Variants in CELSR2 observed in about 807,000 individuals in gnomAD.
The protein encoded by CELSR2 is EGF-like protein 2.
A neutral mutation model predicts 251.6 loss-of-function variants in CELSR2; 81 were observed. The observed-to-expected ratio is 0.32, with a 90% CI of 0.27 to 0.39. The LOEUF (loss-of-function observed/expected upper bound fraction) is 0.39, where lower values mean the gene tolerates loss of function less well. CELSR2 is among the 10% of genes least tolerant of loss of function. The probability of loss-of-function intolerance (pLI) is 1.00; values close to 1 mark genes in which losing one functional copy is unlikely to be tolerated. For synonymous variants in CELSR2, 1,721 were observed against 1,670.5 expected, an observed-to-expected ratio of 1.03 and a Z score of -0.74; for missense variants, 3,365 against 3,947.7, an observed-to-expected ratio of 0.85 and a Z score of 3.96.
At position 109,267,870 on chromosome 1, in the gene CELSR2, A is replaced by C. The variant is rs139747117; in HGVS notation, c.6128A>C (p.Asn2043Thr). The change falls in exon 17 of 34, where the codon AAT becomes ACT. Residue 2043 changes from asparagine (N) to threonine (T), a missense_variant. Coordinates refer to ENST00000271332, the MANE Select transcript of CELSR2 (RefSeq NM_001408.3). ...LKGFAERLQR[N>T]ESGLDSGRSQ... ...GTCTAGGCTGAGCGGCTACAGCGGA[A>C]TGAGTCAGGCCTAGACTCAGGGCGC... 1.9e-6 allele frequency: 3 copies of C among 1,604,042 alleles called. No homozygotes were observed. In the African/African-American group the frequency reaches 4.0e-5, roughly 21 times the overall value.
chr1:109,258,335 C>A (rs916130405), intron 1 of CELSR2, 97 bp from the exon 2 acceptor site: 14 of 834,634 alleles, frequency 1.7e-5, no homozygotes, highest in Admixed American at 1.2e-4. Context: ...CACCCTTATG[C>A]CAGTTGGAAA....
In CELSR2 at chr1:109,250,877, G is replaced by C. The variant is rs200088003; in HGVS notation, c.798G>C (p.Met266Ile). The change falls in exon 1 of 34, where the codon ATG (methionine) becomes ATC (isoleucine). Residue 266 changes from methionine to isoleucine, a missense_variant. Met to Ile is a conservative substitution (Grantham distance 10). Around this residue, in one of 5 missense-constraint regions of CELSR2, gnomAD observed 704 missense variants for 784.1 expected, o/e 0.90. Transcript: ENST00000271332. The surrounding 1 kb of genome is among the most constrained non-coding windows in gnomAD (Gnocchi z 4.4). The part of the protein sequence containing the change: ...VFRVTAQDHG[M>I]PRRSALATLT... ...GGGTCACGGCGCAGGACCACGGCATGCCCCGACGAAGTGCCCTGGCTACAC... is the reference window on the plus strand; with the variant it reads ...GGGTCACGGCGCAGGACCACGGCATCCCCCGACGAAGTGCCCTGGCTACAC... 381 of 1,613,984 alleles carry C rather than the reference G, an allele frequency of 2.4e-4. 2 individuals are homozygous for C. The highest frequency in any genetic ancestry group is 1.5e-3 in the Admixed American group (89 of 60,028).
Position 109,274,604 on chromosome 1 carries a change from G to C in CELSR2, c.*555G>C, listed in dbSNP as rs556945446. ...CCGGGCAGGCCTCAGAACGGTGAGG[G>C]GCCAGGGCAAAGGGTGTGCCTCGTC... is the stretch of plus-strand genomic sequence containing the variant. On this transcript the variant is annotated 3_prime_UTR_variant, in exon 34 of 34. Coordinates refer to ENST00000271332, the MANE Select transcript of CELSR2 (RefSeq NM_001408.3). 1 of 155,752 alleles carries C rather than the reference G, an allele frequency of 6.4e-6. No individual in the cohort carries two copies. The highest frequency in any genetic ancestry group is 1.9e-4 in the East Asian group (1 of 5,292). 9.6% of individuals were successfully genotyped at this position (155,752 alleles called of 1,614,324 possible). A position where few individuals can be genotyped will look rare whatever the true frequency, so the allele number is the denominator to read the frequency against.
chr1:109,265,710 A>AC (rs770898456), intron 13 of CELSR2, 25 bp from the exon 14 acceptor site: 31 of 1,595,836 alleles, frequency 1.9e-5, no homozygotes, highest in Non-Finnish European at 2.6e-5. Flanking sequence ...CTGGCCAGTG[A>AC]CACCGTTCTT....
intron 15 of CELSR2, among the ~76,000 whole-genome samples, 187 bp from the exon 16 acceptor site, chr1:109,267,361 A>C (rs1656228178): frequency 6.6e-6 from 1 of 152,136 alleles, no homozygotes; most frequent in African/African-American, 2.4e-5. Flanking sequence ...CCATGTGTGG[A>C]CTGATCTTGC....
At position 109,273,300 on chromosome 1, in the gene CELSR2, G is replaced by C. The variant is rs1428235147; in HGVS notation, c.8473G>C (p.Gly2825Arg). 5 of 1,600,650 alleles carry C rather than the reference G, an allele frequency of 3.1e-6. No homozygotes were observed. Among genetic ancestry groups the C allele is most frequent in the Non-Finnish European group, 4.3e-6 (5 of 1,173,214 alleles). The change falls in exon 32 of 34, where the codon GGC becomes CGC. Residue 2825 changes from glycine to arginine, a missense_variant. Physicochemically the swap from Gly to Arg is moderately radical, Grantham distance 125 (BLOSUM62 -2). This residue lies in a region of CELSR2 where 2,093 missense variants were observed against 2,382.8 expected (regional missense o/e 0.88). Transcript: ENST00000271332. ...TGCCCTGTCTCGAGAGGGGTCCCTA[G>C]GCCCCCTTCCAGGCTCTTCTGCCCA... ...GDALSREGSL[G>R]PLPGSSAQPH... is the part of the protein sequence containing the mutation.
Position 109,264,109 on chromosome 1 carries a change from A to G in CELSR2, c.5033A>G (p.Glu1678Gly). The change falls in exon 10 of 34, where the codon GAG becomes GGG. Residue 1678 changes from glutamate to glycine, a missense_variant. This residue lies in a region of CELSR2 where 2,093 missense variants were observed against 2,382.8 expected (regional missense o/e 0.88). Transcript: ENST00000271332. ...LREGHVMLSVEGTGLQASSLR... is the reference protein window; with the variant it reads ...LREGHVMLSVGGTGLQASSLR... The stretch of plus-strand genomic sequence containing the variant: ...GAGGGCCACGTGATGCTGAGCGTGG[A>G]GGGCACAGGGCTTCAGGCCTCCTCT... 1.9e-6 allele frequency: 3 copies of G among 1,592,182 alleles called. No individual in the cohort carries two copies. The highest frequency in any genetic ancestry group is 2.6e-6 in the Non-Finnish European group (3 of 1,163,798).
intron 1 of CELSR2, among the ~76,000 whole-genome samples, chr1:109,255,218 C>T (rs1422399276): frequency 1.3e-5 from 2 of 152,198 alleles, no homozygotes; most frequent in Non-Finnish European, 2.9e-5. Flanking sequence ...TCCCACTGCC[C>T]CTTTGTTTTC....
rs1264273282 is a variant in CELSR2, at chr1:109,264,867, G to T, written c.5465-1G>T. ...AGCCTCTCTGGTCCTTCTGGTCCCA[G>T]GTTACTATGGTGACAACTGTACTAA... On this transcript the variant is annotated splice_acceptor_variant, in intron 11 of 33. Coordinates refer to ENST00000271332, the MANE Select transcript of CELSR2 (RefSeq NM_001408.3). LOFTEE classifies it high-confidence loss of function. 1 of 1,614,098 alleles carries T rather than the reference G, an allele frequency of 6.2e-7. No homozygotes were observed. Among genetic ancestry groups the T allele is most frequent in the Non-Finnish European group, 8.5e-7 (1 of 1,180,036 alleles).
intron 17 of CELSR2, 108 bp downstream of exon 17, chr1:109,268,168 G>A (rs1168202960): frequency 1.0e-5 from 15 of 1,447,244 alleles, no homozygotes; most frequent in Non-Finnish European, 1.3e-5. Context: ...CCACCTACAA[G>A]GAGCTCCCTG....
At chr1:109,266,559 A>ATTTTTTTTTTTTTTTTTT (rs35994599) in intron 15 of CELSR2, 15 of 83,690 alleles carry the variant, frequency 1.8e-4, no homozygotes, top group African/African-American at 6.2e-4. Context: ...CACCTGGCTA[A>ATTTTTTTTTTTTTTTTTT]TTTTTTTTTT....
intron 5 of CELSR2, 102 bp from the exon 6 acceptor site, chr1:109,262,185 C>T: frequency 6.7e-7 from 1 of 1,489,270 alleles, no homozygotes; most frequent in Non-Finnish European, 9.1e-7. Flanking sequence ...GTACGTGTGT[C>T]TGGGCATGTG....
At chr1:109,267,033 T>C (rs1019129341) in intron 15 of CELSR2, among the ~76,000 whole-genome samples, 6 of 152,086 alleles carry the variant, frequency 3.9e-5, no homozygotes, top group African/African-American at 1.2e-4. Context: ...CATCTTGGAC[T>C]CTTAACAAAA....
intron 14 of CELSR2, 34 bp downstream of exon 14, chr1:109,265,952 T>C (rs2101264512): frequency 6.2e-7 from 1 of 1,600,804 alleles, no homozygotes; most frequent in Non-Finnish European, 8.5e-7. Context: ...CAGCCCTCCT[T>C]ACAGTGTGCT....
At chr1:109,272,256 G>A (rs760651381) in intron 28 of CELSR2, 22 bp from the exon 29 acceptor site, 1 of 1,548,512 alleles carries the variant, frequency 6.5e-7, no homozygotes, top group Admixed American at 2.0e-5. Context: ...CCCACTTACT[G>A]ACCTCTCTGT....
intron 28 of CELSR2, among the ~76,000 whole-genome samples, chr1:109,271,942 T>A (rs534034828): frequency 9.2e-5 from 14 of 152,292 alleles, no homozygotes; most frequent in African/African-American, 3.4e-4. Flanking sequence ...GATAATCAGG[T>A]AATAAGTGCC....
At chr1:109,272,133 G>A in intron 28 of CELSR2, 145 bp from the exon 29 acceptor site, 1 of 1,106,182 alleles carries the variant, frequency 9.0e-7, no homozygotes, top group Non-Finnish European at 1.3e-6. Context: ...CTCAATATGG[G>A]GACAGCGGAG....
rs768200940 is a variant in CELSR2 at position 109,268,623 on chromosome 1, A to G, written c.6361A>G (p.Lys2121Glu). 3.1e-6 allele frequency: 5 copies of G among 1,613,682 alleles called. No individual in the cohort carries two copies. Among genetic ancestry groups the G allele is most frequent in the Non-Finnish European group, 3.4e-6 (4 of 1,179,958 alleles). The change falls in exon 18 of 34, where the codon AAG becomes GAG. Residue 2121 changes from lysine to glutamate, a missense_variant. Lys to Glu is a moderately conservative substitution (Grantham distance 56, BLOSUM62 1). Coordinates refer to ENST00000271332, the MANE Select transcript of CELSR2 (RefSeq NM_001408.3). ...CAGCGCCCTCCTGGACACAGCCAAC[A>G]AGCGGCACTGGGAGCTGATCCAGCA... ...VGSALLDTAN[K>E]RHWELIQQTE...
Position 109,251,089 on chromosome 1 carries a change from C to A in CELSR2, c.1010C>A (p.Ser337Tyr), listed in dbSNP as rs768813176. ...CTGGAGGGGTCTGGGGGCAGCCCCT[C>A]TGAAGTCTTTGAGATCGACCCTCGC... The part of the protein sequence containing the change: ...RLLEGSGGSP[S>Y]EVFEIDPRSG... The change falls in exon 1 of 34, where the codon TCT becomes TAT. Residue 337 changes from serine to tyrosine, a missense_variant. This residue lies in a region of CELSR2 where 704 missense variants were observed against 784.1 expected (regional missense o/e 0.90). Coordinates refer to ENST00000271332, the MANE Select transcript of CELSR2 (RefSeq NM_001408.3). The surrounding 1 kb of genome is among the most constrained non-coding windows in gnomAD (Gnocchi z 4.9). The A allele has an allele frequency of 6.8e-6, 11 of 1,613,456 alleles. No homozygotes were observed. The highest frequency in any genetic ancestry group is 1.7e-5 in the Admixed American group (1 of 60,012).
Sources: allele counts gnomAD v4.1 joint callset (sites outside exome capture counted in the v4.1 genomes callset), GRCh38; gene constraint gnomAD v4.1.1; regional missense constraint gnomAD v4.1.1; non-coding constraint Gnocchi (gnomAD v3.1); transcripts MANE v1.5; gene names NCBI Gene and HGNC (gene_info 2026-07-23, HGNC 2026-07-21).